The following RIMS2 variants were observed in gnomAD, a reference collection of about 807,000 sequenced individuals.
RIMS2 encodes the protein regulating synaptic membrane exocytosis 2.
In RIMS2, 59 loss-of-function variants were observed where a neutral mutation model predicts 174.4. The ratio of observed to expected loss-of-function variants is 0.34; its 90% CI spans 0.27 to 0.42. The LOEUF is 0.42. Ranked by LOEUF, RIMS2 falls within the 10% of genes least tolerant of loss-of-function variation. The pLI, the probability that RIMS2 is intolerant of heterozygous loss-of-function variation, is 1.00. For synonymous variants in RIMS2, 606 were observed against 572.5 expected (o/e 1.06, Z -0.84); for missense variants, 1,620 against 1,666.3 (o/e 0.97, Z 0.48).
intron 2 of RIMS2, among the ~76,000 whole-genome samples, chr8:103,702,860 T>G (rs926114884): frequency 6.6e-6 from 1 of 151,722 alleles, no homozygotes; most frequent in Non-Finnish European, 1.5e-5. Context: ...CTGTTTTTTT[T>G]TTTTTTTTTT....
intron 1 of RIMS2, among the ~76,000 whole-genome samples, chr8:103,663,389 A>T (rs1041654898): frequency 6.6e-6 from 1 of 152,194 alleles, no homozygotes; most frequent in African/African-American, 2.4e-5. Flanking sequence ...AGAAAACCCC[A>T]TCGTGTCAGC....
At chr8:103,580,797 C>T (rs2093566054) in intron 1 of RIMS2, among the ~76,000 whole-genome samples, 1 of 149,778 alleles carries the variant, frequency 6.7e-6, no homozygotes, top group Non-Finnish European at 1.5e-5. Context: ...ACTCAAACTC[C>T]TCAAAGAAAC....
In RIMS2 at chr8:103,893,337, A is replaced by G. The variant is rs1260978895; in HGVS notation, c.1624+7114A>G. On this transcript the variant is annotated intron_variant, in intron 4 of 23. Coordinates refer to ENST00000504942, the Ensembl canonical transcript of RIMS2. ...AAAATTGTATCTGGGGTAGGCTTTT[A>G]TTTTTGTTAGCCTGTGCTAGAAATA... Among the ~76,000 whole-genome samples, 4 of 152,016 alleles carry G rather than the reference A, an allele frequency of 2.6e-5. No homozygotes were observed. The East Asian group carries it at 7.7e-4, about 29-fold the overall frequency.
intron 1 of RIMS2, among the ~76,000 whole-genome samples, chr8:103,518,383 C>T (rs1830041033): frequency 6.6e-6 from 1 of 151,824 alleles, no homozygotes; most frequent in Non-Finnish European, 1.5e-5. Context: ...AAAAAAATCT[C>T]ATAATGTTTT....
chr8:103,910,609 T>C lies in RIMS2; in HGVS notation c.1692+408T>C, dbSNP rs1046843619. The C allele has an allele frequency of 1.5e-5, 12 of 793,926 alleles. No individual in the cohort carries two copies. The African/African-American group carries it at 1.7e-4, about 11-fold the overall frequency. 49.2% of individuals were successfully genotyped at this position (793,926 alleles called of 1,614,324 possible). ...CTCTGTCACTCATTAAAACAGAACA[T>C]AATAAAAGGACAGGGCATCTCAAGG... is the stretch of plus-strand genomic sequence containing the variant. On this transcript the variant is annotated intron_variant, in intron 5 of 23. Coordinates refer to ENST00000504942, the Ensembl canonical transcript of RIMS2.
At chr8:103,564,147 T>G (rs1311201722) in intron 1 of RIMS2, among the ~76,000 whole-genome samples, 2 of 152,174 alleles carry the variant, frequency 1.3e-5, no homozygotes, top group Non-Finnish European at 2.9e-5. Flanking sequence ...GAACATAACT[T>G]TTGTTAAGAC....
At chr8:103,575,674 A>G (rs1284465463) in intron 1 of RIMS2, among the ~76,000 whole-genome samples, 1 of 112,346 alleles carries the variant, frequency 8.9e-6, no homozygotes, top group Non-Finnish European at 1.9e-5. Flanking sequence ...ACACACATAC[A>G]CACACACACA....
At chr8:103,633,192 AT>A (rs150376641) in intron 1 of RIMS2, among the ~76,000 whole-genome samples, 76,622 of 134,840 alleles carry the variant, frequency 0.57, 21,388 homozygotes, top group East Asian at 0.88. Context: ...ACGCCCGGCT[AT>A]TTTTTTTTTT....
At chr8:103,590,716 A>G (rs997205669) in intron 1 of RIMS2, among the ~76,000 whole-genome samples, 22 of 151,136 alleles carry the variant, frequency 1.5e-4, no homozygotes, top group Non-Finnish European at 1.6e-4. Context: ...TTGCTTGTAG[A>G]TAAACTTCAT....
At chr8:103,598,060 G>C (rs1327633774) in intron 1 of RIMS2, among the ~76,000 whole-genome samples, 1 of 152,082 alleles carries the variant, frequency 6.6e-6, no homozygotes, top group South Asian at 2.1e-4. Flanking sequence ...ATACTTTTTA[G>C]CCTTAGCTGC....
At chr8:103,564,552 A>G (rs777520513) in intron 1 of RIMS2, among the ~76,000 whole-genome samples, 1 of 152,208 alleles carries the variant, frequency 6.6e-6, no homozygotes, top group Non-Finnish European at 1.5e-5. Context: ...TGAAGGTCCA[A>G]GAGCCTCTGG....
At chr8:103,753,952 A>T (rs2097935134) in intron 2 of RIMS2, among the ~76,000 whole-genome samples, 1 of 151,646 alleles carries the variant, frequency 6.6e-6, no homozygotes, top group Admixed American at 6.6e-5. Context: ...GATCTTAGTT[A>T]TTTCTTGCCT....
chr8:103,874,337 C>T (rs1037518767), intron 3 of RIMS2, among the ~76,000 whole-genome samples: 1 of 151,968 alleles, frequency 6.6e-6, no homozygotes, highest in African/African-American at 2.4e-5. Context: ...TGGCTCAACC[C>T]TGAAGCAGTT....
rs149859023 is a variant in RIMS2, at chr8:103,520,418, A to T, written c.176+19356A>T. On this transcript the variant is annotated intron_variant, in intron 1 of 23. Coordinates refer to ENST00000504942, the Ensembl canonical transcript of RIMS2. ...TTCATCTGAGTATTTGTCCTTGAAC[A>T]TTATCTTTACTAGAGAGTTTTTGAG... Among the ~76,000 whole-genome samples, 389 of 152,232 alleles carry T rather than the reference A, an allele frequency of 2.6e-3. 3 individuals are homozygous for T. Among genetic ancestry groups the T allele is most frequent in the South Asian group, 0.012 (60 of 4,830 alleles).
intron 1 of RIMS2, among the ~76,000 whole-genome samples, chr8:103,598,706 C>A (rs1208981792): frequency 6.6e-6 from 1 of 152,112 alleles, no homozygotes; most frequent in Non-Finnish European, 1.5e-5. Context: ...AGTGGCAAGT[C>A]TTGATCTCAA....
intron 19 of RIMS2, among the ~76,000 whole-genome samples, chr8:104,054,748 A>G (rs2096841062): frequency 6.6e-6 from 1 of 152,068 alleles, no homozygotes; most frequent in Non-Finnish European, 1.5e-5. Flanking sequence ...TATTTTAATG[A>G]TGTTTCTTTA....
At chr8:104,131,521 A>G (rs906964493) in intron 19 of RIMS2, among the ~76,000 whole-genome samples, 4 of 152,188 alleles carry the variant, frequency 2.6e-5, no homozygotes, top group African/African-American at 9.7e-5. Context: ...AACCTGGAAT[A>G]ATCAACTAAT....
chr8:104,132,683 C>T (rs960328893), intron 19 of RIMS2, among the ~76,000 whole-genome samples: 10 of 152,200 alleles, frequency 6.6e-5, no homozygotes, highest in African/African-American at 2.4e-4. Context: ...CATACCTGTA[C>T]GGTAAGGCAG....
chr8:103,633,825 T>G (rs1360664455), intron 1 of RIMS2, among the ~76,000 whole-genome samples: 1 of 152,166 alleles, frequency 6.6e-6, no homozygotes, highest in African/African-American at 2.4e-5. Flanking sequence ...GCGTAGAGGT[T>G]TTTGTAGTAG....
Sources: allele counts gnomAD v4.1 joint callset (sites outside exome capture counted in the v4.1 genomes callset), GRCh38; gene constraint gnomAD v4.1.1; transcripts MANE v1.5; gene names NCBI Gene and HGNC (gene_info 2026-07-23, HGNC 2026-07-21).